The following FGF14 variants were observed in gnomAD, a reference collection of about 807,000 sequenced individuals.
FGF14 encodes fibroblast growth factor 14, also known as fibroblast growth factor homologous factor 4.
FGF14 carries 5 observed loss-of-function variants against 25.5 expected under a neutral mutation model. The observed-to-expected ratio is 0.20, with a 90% CI of 0.10 to 0.41. The LOEUF (loss-of-function observed/expected upper bound fraction) is 0.41. Among genes scored for constraint, FGF14 ranks in the 10% least tolerant of loss-of-function variants. The probability of loss-of-function intolerance (pLI) is 1.00; values close to 1 mark genes in which losing one functional copy is unlikely to be tolerated. For missense variants in FGF14, 222 were observed against 320.1 expected (o/e 0.69, Z 2.34); for synonymous variants, 138 against 118.3 (o/e 1.17, Z -1.08).
intron 1 of FGF14, among the ~76,000 whole-genome samples, chr13:102,087,673 C>G (rs1411550509): frequency 6.6e-6 from 1 of 150,774 alleles, no homozygotes; most frequent in Non-Finnish European, 1.5e-5. Flanking sequence ...ATCTATCCAC[C>G]TCGGCCTCCC....
intron 1 of FGF14, among the ~76,000 whole-genome samples, chr13:102,323,957 ATGTGTGTGTGTGTGTGTGTGTGTGTG>A (rs3066051): frequency 1.5e-5 from 2 of 136,422 alleles, no homozygotes; most frequent in Non-Finnish European, 3.2e-5. Flanking sequence ...AACGTGCAGT[ATGTGTGTGTGTGTGTGTGTGTGTGTG>A]TGTGTGTGTG....
intron 1 of FGF14, among the ~76,000 whole-genome samples, chr13:102,197,895 A>C (rs917983640): frequency 6.6e-6 from 1 of 152,250 alleles, no homozygotes; most frequent in Non-Finnish European, 1.5e-5. Context: ...TTGAGATGGC[A>C]TTAATCAATG....
intron 1 of FGF14, among the ~76,000 whole-genome samples, chr13:101,898,959 G>A (rs1344079264): frequency 6.6e-6 from 1 of 152,174 alleles, no homozygotes; most frequent in Non-Finnish European, 1.5e-5. Flanking sequence ...GCAAAAAGCT[G>A]AGAATCAGAG....
At chr13:101,837,494 A>C (rs1442171636) in intron 3 of FGF14, among the ~76,000 whole-genome samples, 3 of 152,136 alleles carry the variant, frequency 2.0e-5, no homozygotes, top group Non-Finnish European at 4.4e-5. Context: ...TGTGCTGAAT[A>C]AATGATGGCT....
intron 1 of FGF14, among the ~76,000 whole-genome samples, chr13:102,049,669 C>T (rs1327662351): frequency 6.6e-6 from 1 of 152,032 alleles, no homozygotes; most frequent in Middle Eastern, 3.2e-3. Context: ...TTAAGATGAG[C>T]TCATACTGGA....
At chr13:101,747,692 T>G (rs1260245516) in intron 3 of FGF14, among the ~76,000 whole-genome samples, 4 of 151,878 alleles carry the variant, frequency 2.6e-5, no homozygotes. Flanking sequence ...GGAACAAACC[T>G]GTACAATGGC....
chr13:102,220,498 T>C (rs2050562173), intron 1 of FGF14, among the ~76,000 whole-genome samples: 1 of 152,240 alleles, frequency 6.6e-6, no homozygotes, highest in African/African-American at 2.4e-5. Context: ...ACATTAGATA[T>C]ATTTTTACTT....
intron 1 of FGF14, among the ~76,000 whole-genome samples, chr13:102,197,975 C>G (rs1435668396): frequency 2.0e-5 from 3 of 152,206 alleles, no homozygotes; most frequent in Non-Finnish European, 4.4e-5. Context: ...CCTCAGAAAT[C>G]ATGGCGAAGC....
chr13:101,853,085 A>G (rs1056974995), intron 3 of FGF14, among the ~76,000 whole-genome samples: 2 of 152,110 alleles, frequency 1.3e-5, no homozygotes, highest in Non-Finnish European at 2.9e-5. Context: ...TATAAGAGAC[A>G]CAATGAGAGA....
intron 1 of FGF14, among the ~76,000 whole-genome samples, chr13:101,945,575 T>A (rs978869785): frequency 1.3e-5 from 2 of 152,106 alleles, no homozygotes; most frequent in Non-Finnish European, 2.9e-5. Context: ...CTCGGCCTGA[T>A]AAAGCAACTC....
intron 1 of FGF14, among the ~76,000 whole-genome samples, chr13:102,099,501 A>C (rs1235094619): frequency 6.6e-6 from 1 of 152,206 alleles, no homozygotes; most frequent in Non-Finnish European, 1.5e-5. Context: ...ATTATTGAGC[A>C]GACACTGCAC....
In FGF14 at chr13:101,722,705, G is replaced by T; in HGVS notation, c.*126C>A. ...TCCACTTGCAACAGAGAAGTTCGGA[G>T]ACAGCAAAGAATAAGCATTAGCTTA... On this transcript the variant is annotated 3_prime_UTR_variant, in exon 5 of 5. Coordinates refer to ENST00000376143, the MANE Select transcript of FGF14 (RefSeq NM_004115.4). 7.5e-7 allele frequency: 1 copy of T among 1,326,642 alleles called. No homozygotes were observed. Among genetic ancestry groups the T allele is most frequent in the Non-Finnish European group, 1.1e-6 (1 of 939,398 alleles). The allele number at this position is 1,326,642 out of a possible 1,614,324, so 82.2% of individuals were successfully genotyped here.
intron 1 of FGF14, among the ~76,000 whole-genome samples, chr13:101,906,345 G>T (rs752767020): frequency 1.3e-5 from 2 of 152,218 alleles, no homozygotes; most frequent in South Asian, 2.1e-4. Flanking sequence ...TTAAACAATT[G>T]TAAGTTGGCC....
chr13:102,026,318 T>C (rs950157873), intron 1 of FGF14, among the ~76,000 whole-genome samples: 1 of 151,980 alleles, frequency 6.6e-6, no homozygotes, highest in African/African-American at 2.4e-5. Flanking sequence ...TATATTCTTT[T>C]TATATGTTGC....
At chr13:101,794,070 T>A (rs759946633) in intron 3 of FGF14, among the ~76,000 whole-genome samples, 2 of 152,068 alleles carry the variant, frequency 1.3e-5, no homozygotes, top group Non-Finnish European at 2.9e-5. Flanking sequence ...ATGGGTGCAG[T>A]TGGCTTCTGA....
chr13:102,287,671 G>A (rs1449122679), intron 1 of FGF14, among the ~76,000 whole-genome samples: 3 of 152,210 alleles, frequency 2.0e-5, no homozygotes, highest in African/African-American at 7.2e-5. Context: ...GGCTGAAGAA[G>A]AGCTAATAAA....
chr13:102,299,048 A>G (rs1039756963), intron 1 of FGF14, among the ~76,000 whole-genome samples: 1 of 152,174 alleles, frequency 6.6e-6, no homozygotes, highest in East Asian at 1.9e-4. Flanking sequence ...AACAGAATCT[A>G]TCTTTCTCAA....
At chr13:102,250,881 C>A (rs1235186028) in intron 1 of FGF14, among the ~76,000 whole-genome samples, 2 of 152,074 alleles carry the variant, frequency 1.3e-5, no homozygotes, top group Admixed American at 6.6e-5. Context: ...AGTGTTATTC[C>A]TTTATTTATA....
intron 1 of FGF14, among the ~76,000 whole-genome samples, chr13:102,264,954 T>C (rs888733420): frequency 2.6e-5 from 4 of 152,042 alleles, no homozygotes; most frequent in Non-Finnish European, 4.4e-5. Flanking sequence ...GAGGAGGAAA[T>C]TGGAGGCATA....
Sources: allele counts gnomAD v4.1 joint callset (sites outside exome capture counted in the v4.1 genomes callset), GRCh38; gene constraint gnomAD v4.1.1; transcripts MANE v1.5; gene names NCBI Gene and HGNC (gene_info 2026-07-23, HGNC 2026-07-21).